Variants in PPM1H observed in about 807,000 individuals in gnomAD.
PPM1H encodes protein phosphatase 1H.
Under a neutral mutation model 54.9 loss-of-function variants are expected in PPM1H, and 27 were observed. That is an observed-to-expected ratio of 0.49 (90% CI 0.36 to 0.68). The LOEUF (loss-of-function observed/expected upper bound fraction) is 0.68, where lower values mean the gene tolerates loss of function less well. Ranked by LOEUF, PPM1H falls within the 30% of genes least tolerant of loss-of-function variation. The pLI is 0.00. For synonymous variants in PPM1H, 305 were observed against 270.8 expected (o/e 1.13, Z -1.24); for missense variants, 596 against 667.8 (o/e 0.89, Z 1.19).
rs2076181834 is a variant in PPM1H at position 62,707,381 on chromosome 12, C to A, written c.1073+12790G>T. ...CTCACTGCAGGTGGACAAAGACATTCCCAAGCAATAGCAAGGGGATAACCA... is the reference window on the plus strand; with the variant it reads ...CTCACTGCAGGTGGACAAAGACATTACCAAGCAATAGCAAGGGGATAACCA... On this transcript the variant is annotated intron_variant, in intron 6 of 9. Transcript: ENST00000228705. Among the ~76,000 whole-genome samples the A allele has an allele frequency of 2.0e-5, 3 of 152,264 alleles. No homozygotes were observed. In the South Asian group the frequency reaches 6.2e-4, roughly 32 times the overall value.
chr12:62,817,311 A>G (rs2076875940), intron 2 of PPM1H, among the ~76,000 whole-genome samples: 2 of 151,542 alleles, frequency 1.3e-5, no homozygotes, highest in African/African-American at 4.8e-5. Context: ...AAATACAAAA[A>G]ATTAGCCGGG....
At chr12:62,708,028 C>T (rs905999905) in intron 6 of PPM1H, among the ~76,000 whole-genome samples, 2 of 152,212 alleles carry the variant, frequency 1.3e-5, no homozygotes, top group African/African-American at 4.8e-5. Context: ...GAATGTGTTC[C>T]ATCCCCTCAT....
intron 4 of PPM1H, among the ~76,000 whole-genome samples, chr12:62,757,586 A>T (rs183352207): frequency 2.4e-3 from 369 of 152,340 alleles, no homozygotes; most frequent in Non-Finnish European, 3.1e-3. Flanking sequence ...TTCACCAGAA[A>T]TGTACCATCA....
chr12:62,799,173 T>C (rs1011190734), intron 3 of PPM1H, among the ~76,000 whole-genome samples: 2 of 152,220 alleles, frequency 1.3e-5, no homozygotes, highest in African/African-American at 4.8e-5. Context: ...TCATTAAAAG[T>C]AGAAATATTT....
chr12:62,706,965 T>C (rs2076178274), intron 6 of PPM1H, among the ~76,000 whole-genome samples: 1 of 152,218 alleles, frequency 6.6e-6, no homozygotes, highest in South Asian at 2.1e-4. Context: ...ACAAGATCAC[T>C]ATAGAATTAG....
chr12:62,807,276 A>C (rs1216704379), intron 2 of PPM1H, among the ~76,000 whole-genome samples: 1 of 152,232 alleles, frequency 6.6e-6, no homozygotes, highest in Non-Finnish European at 1.5e-5. Flanking sequence ...AAATCAATTT[A>C]TGTTTTTAAA....
intron 8 of PPM1H, among the ~76,000 whole-genome samples, chr12:62,680,932 T>C (rs1185738067): frequency 6.6e-6 from 1 of 152,188 alleles, no homozygotes; most frequent in Admixed American, 6.5e-5. Flanking sequence ...CTCTGGTCCC[T>C]ATTTGTCTGT....
In PPM1H at chr12:62,765,900, G is replaced by T. The variant is rs530011341; in HGVS notation, c.869+22326C>A. The stretch of plus-strand genomic sequence containing the variant: ...TGGTCTGGCATTGCCAGAGCTCAGG[G>T]TATGAGGATGAGAAGTGACAGGTGA... On this transcript the variant is annotated intron_variant, in intron 4 of 9. Transcript: ENST00000228705. Among the ~76,000 whole-genome samples, 93 of 152,308 alleles carry T rather than the reference G, an allele frequency of 6.1e-4. 1 individual carries two copies. Among genetic ancestry groups the T allele is most frequent in the African/African-American group, 2.1e-3 (88 of 41,566 alleles).
chr12:62,748,408 C>G (rs1202412807), intron 4 of PPM1H, among the ~76,000 whole-genome samples: 1 of 152,126 alleles, frequency 6.6e-6, no homozygotes, highest in Non-Finnish European at 1.5e-5. Flanking sequence ...TGCTTTGAGG[C>G]TCTAGTTTAA....
At chr12:62,709,953 C>G (rs946150414) in intron 6 of PPM1H, among the ~76,000 whole-genome samples, 1 of 152,182 alleles carries the variant, frequency 6.6e-6, no homozygotes, top group Non-Finnish European at 1.5e-5. Context: ...GCCTGTAATC[C>G]CAGCTACTCG....
chr12:62,830,004 C>T (rs117109250), intron 2 of PPM1H, among the ~76,000 whole-genome samples: 2,383 of 152,318 alleles, frequency 0.016, 24 homozygotes, highest in Non-Finnish European at 0.025. Context: ...ATCCTCAAAA[C>T]AATCCTGTCG....
intron 1 of PPM1H, among the ~76,000 whole-genome samples, chr12:62,884,943 T>G (rs1870533400): frequency 6.6e-6 from 1 of 152,188 alleles, no homozygotes; most frequent in South Asian, 2.1e-4. Flanking sequence ...TTCATGCTGC[T>G]GATAAAGACA....
At chr12:62,771,584 T>C (rs796620599) in intron 4 of PPM1H, among the ~76,000 whole-genome samples, 22 of 152,348 alleles carry the variant, frequency 1.4e-4, no homozygotes, top group African/African-American at 5.3e-4. Flanking sequence ...ATGCAAATTA[T>C]ATTTCACCTT....
chr12:62,730,839 C>T (rs1427326759), intron 5 of PPM1H, among the ~76,000 whole-genome samples: 1 of 152,170 alleles, frequency 6.6e-6, no homozygotes. Context: ...CACTAACAGT[C>T]ACGCTAACAG....
Position 62,844,543 on chromosome 12 carries a change from T to G in PPM1H, c.246-12264A>C, listed in dbSNP as rs1811958926. Among the ~76,000 whole-genome samples, 1 of 152,218 alleles carries G rather than the reference T, an allele frequency of 6.6e-6. No individual in the cohort carries two copies. The highest frequency in any genetic ancestry group is 1.5e-5 in the Non-Finnish European group (1 of 68,034). ...AAGTTTGGATTATTTAATTTCACAC[T>G]TTGAAGGAGACAAATGCGCTGAATG... On this transcript the variant is annotated intron_variant, in intron 1 of 9. Coordinates refer to ENST00000228705, the MANE Select transcript of PPM1H (RefSeq NM_020700.2). The surrounding 1 kb of genome is among the most constrained non-coding windows in gnomAD (Gnocchi z 5.2).
chr12:62,739,679 G>T (rs1049839072), intron 4 of PPM1H, among the ~76,000 whole-genome samples: 12 of 152,228 alleles, frequency 7.9e-5, no homozygotes, highest in African/African-American at 2.9e-4. Context: ...GAGCTCAGGG[G>T]CCTGGTAACG....
chr12:62,729,435 G>A (rs2076307818), intron 5 of PPM1H, among the ~76,000 whole-genome samples: 1 of 152,236 alleles, frequency 6.6e-6, no homozygotes, highest in Non-Finnish European at 1.5e-5. Context: ...GTAATGTGCA[G>A]TTAAAGAAAG....
chr12:62,779,872 A>C (rs532139583), intron 4 of PPM1H, among the ~76,000 whole-genome samples: 4 of 152,362 alleles, frequency 2.6e-5, no homozygotes, highest in African/African-American at 9.6e-5. Context: ...TGGCTGAGAA[A>C]CTTTAGCTCT....
chr12:62,870,475 G>A (rs1236119580), intron 1 of PPM1H, among the ~76,000 whole-genome samples: 1 of 152,192 alleles, frequency 6.6e-6, no homozygotes, highest in Non-Finnish European at 1.5e-5. Context: ...TGAGAGGACA[G>A]CCTGAAGCAA....
Sources: gnomAD v4.1 joint callset for allele counts (sites outside exome capture counted in the v4.1 genomes callset) on GRCh38, gnomAD v4.1.1 for gene constraint, Gnocchi (gnomAD v3.1) non-coding constraint, MANE v1.5 for transcripts, NCBI Gene and HGNC (gene_info 2026-07-23, HGNC 2026-07-21) for gene names.